USH2A: variants seen among roughly 807,000 people sequenced by gnomAD.
USH2A encodes Usher syndrome 2A (autosomal recessive, mild).
In USH2A, 443 loss-of-function variants were observed where a neutral mutation model predicts 538.9. The observed-to-expected ratio is 0.82, with a 90% CI of 0.76 to 0.89. The LOEUF (loss-of-function observed/expected upper bound fraction) is 0.89, where lower values mean the gene tolerates loss of function less well. Among genes scored for constraint, USH2A ranks in the 40% least tolerant of loss-of-function variants. The probability of loss-of-function intolerance (pLI) is 0.00; values close to 1 mark genes in which losing one functional copy is unlikely to be tolerated. For missense variants in USH2A, 6,633 were observed against 6,324.8 expected (o/e 1.05, Z -1.65); for synonymous variants, 2,413 against 2,273.5 (o/e 1.06, Z -1.75).
chr1:216,085,497 G>C (rs373577483), intron 24 of USH2A, among the ~76,000 whole-genome samples: 2 of 151,950 alleles, frequency 1.3e-5, no homozygotes, highest in Non-Finnish European at 2.9e-5. Context: ...CACTGAGGTC[G>C]AATTTCACAC....
intron 21 of USH2A, among the ~76,000 whole-genome samples, chr1:216,102,692 C>T (rs1571962549): frequency 1.3e-5 from 2 of 152,054 alleles, no homozygotes; most frequent in East Asian, 1.9e-4. Flanking sequence ...CCCAGCTACT[C>T]GGGAGGCTGA....
At chr1:216,085,999 T>A (rs768734236) in intron 24 of USH2A, among the ~76,000 whole-genome samples, 8 of 152,148 alleles carry the variant, frequency 5.3e-5, no homozygotes, top group Non-Finnish European at 1.2e-4. Context: ...TTTAACTTCC[T>A]GGGAGAGACT....
intron 47 of USH2A, among the ~76,000 whole-genome samples, chr1:215,819,376 A>G (rs1662946782): frequency 6.7e-6 from 1 of 150,190 alleles, no homozygotes; most frequent in Non-Finnish European, 1.5e-5. Flanking sequence ...AGCGGCAGTC[A>G]AGATAAACCT....
At chr1:215,879,369 G>A (rs924818977) in intron 41 of USH2A, among the ~76,000 whole-genome samples, 18 of 152,086 alleles carry the variant, frequency 1.2e-4, no homozygotes, top group South Asian at 4.1e-4. Context: ...GCGATTCATC[G>A]CCACTGTGGG....
At chr1:216,209,697 C>A (rs1162891121) in intron 15 of USH2A, among the ~76,000 whole-genome samples, 1 of 152,156 alleles carries the variant, frequency 6.6e-6, no homozygotes, top group Non-Finnish European at 1.5e-5. Flanking sequence ...ACTTCCATAG[C>A]CTTTGCTATT....
rs371738666 is a variant in USH2A, at chr1:216,059,997, TCCTACTGACACTG to T, written c.6049+10091_6049+10103del. The stretch of plus-strand genomic sequence containing the variant: ...CAGGAGTCCTACTGGGGTTCAGGGG[TCCTACTGACACTG>T]CCTCTCTTTCTTCACTTGCCTTGGC... On this transcript the variant is annotated intron_variant, in intron 30 of 71. Transcript: ENST00000307340. Among the ~76,000 whole-genome samples, 1,000 of 152,252 alleles carry T rather than the reference TCCTACTGACACTG, an allele frequency of 6.6e-3. 20 individuals are homozygous for T. The highest frequency in any genetic ancestry group is 0.023 in the African/African-American group (939 of 41,542).
chr1:215,889,905 G>A (rs1571785154), intron 40 of USH2A, among the ~76,000 whole-genome samples: 1 of 152,096 alleles, frequency 6.6e-6, no homozygotes, highest in East Asian at 1.9e-4. Flanking sequence ...AGCCTGCGGG[G>A]GCAAAGTGTT....
At chr1:215,721,686 T>C (rs1320137489) in intron 61 of USH2A, among the ~76,000 whole-genome samples, 1 of 152,136 alleles carries the variant, frequency 6.6e-6, no homozygotes, top group East Asian at 1.9e-4. Flanking sequence ...GTCTAATTTG[T>C]CTAGCCCAAA....
At chr1:215,857,585 G>A (rs11120674) in intron 44 of USH2A, among the ~76,000 whole-genome samples, 58,684 of 151,948 alleles carry the variant, frequency 0.39, 11,788 homozygotes, top group Admixed American at 0.52. Context: ...GGAGAAACAC[G>A]CACATGTGCA....
chr1:216,150,362 C>T (rs944766633), intron 21 of USH2A, among the ~76,000 whole-genome samples: 1 of 151,670 alleles, frequency 6.6e-6, no homozygotes, highest in African/African-American at 2.4e-5. Flanking sequence ...TACTTTTATA[C>T]TCACTCTTAT....
intron 4 of USH2A, among the ~76,000 whole-genome samples, chr1:216,346,364 G>A (rs1042490713): frequency 2.6e-5 from 4 of 152,042 alleles, no homozygotes; most frequent in African/African-American, 9.7e-5. Context: ...GAAATCCCAG[G>A]AATTGGAAAT....
At chr1:215,779,268 A>C (rs12724212) in intron 55 of USH2A, among the ~76,000 whole-genome samples, 1 of 152,180 alleles carries the variant, frequency 6.6e-6, no homozygotes, top group African/African-American at 2.4e-5. Context: ...TATCATAATC[A>C]CTACTAGCAA....
chr1:215,962,008 T>C (rs940595230), intron 37 of USH2A, among the ~76,000 whole-genome samples: 1 of 151,926 alleles, frequency 6.6e-6, no homozygotes, highest in Non-Finnish European at 1.5e-5. Flanking sequence ...GGGCAAAAGA[T>C]ACAAATGAAG....
intron 30 of USH2A, among the ~76,000 whole-genome samples, chr1:216,065,213 A>T (rs1271902877): frequency 6.6e-6 from 1 of 152,150 alleles, no homozygotes; most frequent in Non-Finnish European, 1.5e-5. Context: ...GCCTTCAAGA[A>T]GGTATCCTTC....
intron 8 of USH2A, 54 bp from the exon 9 acceptor site, chr1:216,322,030 T>C: frequency 6.5e-7 from 1 of 1,540,696 alleles, no homozygotes. Flanking sequence ...ACTGTGAATA[T>C]ATTTAAGGTC....
At chr1:215,907,860 G>A (rs1159768984) in intron 38 of USH2A, among the ~76,000 whole-genome samples, 2 of 151,532 alleles carry the variant, frequency 1.3e-5, no homozygotes, top group Non-Finnish European at 2.9e-5. Context: ...TGGAAAGATG[G>A]ATGAGTTGAT....
At chr1:215,666,221 G>A (rs956513070) in intron 64 of USH2A, among the ~76,000 whole-genome samples, 7 of 152,050 alleles carry the variant, frequency 4.6e-5, no homozygotes, top group East Asian at 1.9e-4. Flanking sequence ...ACCAAAGACC[G>A]GACCTCCCAA....
rs73102586 is a variant in USH2A at position 216,418,051 on chromosome 1, G to T, written c.651+463C>A. On this transcript the variant is annotated intron_variant, in intron 3 of 71. Transcript: ENST00000307340. The stretch of plus-strand genomic sequence containing the variant: ...ACCTTTTGAGTGCCTCAAGTGTAAA[G>T]TTCATTAGTTCTAAGGTCACCATTT... Among the ~76,000 whole-genome samples, 1,021 of 152,132 alleles carry T rather than the reference G, an allele frequency of 6.7e-3. 3 individuals are homozygous for T. The highest frequency in any genetic ancestry group is 0.038 in the East Asian group (198 of 5,148).
intron 61 of USH2A, among the ~76,000 whole-genome samples, chr1:215,702,602 G>A (rs1012108302): frequency 1.3e-5 from 2 of 151,536 alleles, no homozygotes; most frequent in Non-Finnish European, 2.9e-5. Context: ...CTGCTTGATT[G>A]ATTTGGCTAT....
Sources: allele counts gnomAD v4.1 joint callset (sites outside exome capture counted in the v4.1 genomes callset), GRCh38; gene constraint gnomAD v4.1.1; transcripts MANE v1.5; gene names NCBI Gene and HGNC (gene_info 2026-07-23, HGNC 2026-07-21).